The following SLC9A9 variants were observed in gnomAD, a reference collection of about 807,000 sequenced individuals.
The protein encoded by SLC9A9 is sodium/hydrogen exchanger 9.
Under a neutral mutation model 77.8 loss-of-function variants are expected in SLC9A9, and 62 were observed. The observed-to-expected ratio is 0.80, with a 90% CI of 0.65 to 0.98. The LOEUF (loss-of-function observed/expected upper bound fraction) is 0.98, where lower values mean the gene tolerates loss of function less well. SLC9A9 is among the 50% of genes least tolerant of loss of function. The pLI is 0.00. For synonymous variants in SLC9A9, 320 were observed against 283.5 expected (o/e 1.13, Z -1.29); for missense variants, 775 against 774.9 (o/e 1.00, Z 0.00).
intron 2 of SLC9A9, among the ~76,000 whole-genome samples, chr3:143,829,952 G>T (rs1321203259): frequency 6.6e-6 from 1 of 152,146 alleles, no homozygotes; most frequent in African/African-American, 2.4e-5. Flanking sequence ...GGAAGCTTAA[G>T]AAACTCAAAG....
intron 4 of SLC9A9, among the ~76,000 whole-genome samples, chr3:143,715,059 G>A (rs1934300143): frequency 6.6e-6 from 1 of 152,132 alleles, no homozygotes; most frequent in Non-Finnish European, 1.5e-5. Flanking sequence ...GTTCCTCCTT[G>A]CCTTCCACCA....
chr3:143,450,051 A>T (rs62637148), intron 12 of SLC9A9, among the ~76,000 whole-genome samples: 1 of 105,686 alleles, frequency 9.5e-6, no homozygotes, highest in African/African-American at 4.0e-5. Flanking sequence ...GTATATATAC[A>T]CACATATATA....
At chr3:143,735,005 G>T (rs983609054) in intron 4 of SLC9A9, among the ~76,000 whole-genome samples, 2 of 152,206 alleles carry the variant, frequency 1.3e-5, no homozygotes, top group African/African-American at 4.8e-5. Context: ...CCACAGCCCA[G>T]TTGAATCCAT....
rs1325036982 is a variant in SLC9A9, at chr3:143,448,917, T to A, written c.1469+18120A>T. Among the ~76,000 whole-genome samples the A allele has an allele frequency of 6.5e-5, 2 of 30,776 alleles. 1 individual carries two copies. Among genetic ancestry groups the A allele is most frequent in the African/African-American group, 8.6e-4 (2 of 2,332 alleles). The allele number at this position is 30,776 out of a possible 152,430, so 20.2% of individuals were successfully genotyped here. On this transcript the variant is annotated intron_variant, in intron 12 of 15. Coordinates refer to ENST00000316549, the MANE Select transcript of SLC9A9 (RefSeq NM_173653.4). ...TTATAATATATAATATGATATATAT[T>A]ATATATTATAATATATAATATGATA...
At chr3:143,806,515 G>GA (rs893040399) in intron 2 of SLC9A9, among the ~76,000 whole-genome samples, 5 of 150,328 alleles carry the variant, frequency 3.3e-5, no homozygotes, top group East Asian at 1.9e-4. Context: ...TGCTCAACTG[G>GA]AAAAAAAAAC....
intron 9 of SLC9A9, chr3:143,503,887 G>A (rs898850911): frequency 1.1e-5 from 4 of 367,378 alleles, no homozygotes; most frequent in Non-Finnish European, 2.1e-5. Flanking sequence ...TCATGAACAT[G>A]GGGGCATCAG....
chr3:143,404,371 C>T (rs1303271562), intron 12 of SLC9A9, among the ~76,000 whole-genome samples: 1 of 151,904 alleles, frequency 6.6e-6, no homozygotes, highest in East Asian at 1.9e-4. Context: ...AGGTTCTCAC[C>T]ATGTTGGCTA....
intron 8 of SLC9A9, among the ~76,000 whole-genome samples, chr3:143,560,601 A>G (rs968658404): frequency 6.6e-6 from 1 of 152,124 alleles, no homozygotes; most frequent in Non-Finnish European, 1.5e-5. Flanking sequence ...GAGAGGTTTT[A>G]AATTTTTTTT....
At position 143,434,199 on chromosome 3, in the gene SLC9A9, T is replaced by C. The variant is rs982475615; in HGVS notation, c.1469+32838A>G. Among the ~76,000 whole-genome samples the C allele has an allele frequency of 2.0e-5, 3 of 152,316 alleles. No homozygotes were observed. In the East Asian group the frequency reaches 5.8e-4, roughly 29 times the overall value. On this transcript the variant is annotated intron_variant, in intron 12 of 15. Transcript: ENST00000316549. ...GTGGCTCGTGAACTAAAGTGTGCAA[T>C]GGTATGCAGACATGTGAATACAGTT... is the stretch of plus-strand genomic sequence containing the variant.
chr3:143,704,766 G>A (rs1002689798), intron 4 of SLC9A9, among the ~76,000 whole-genome samples: 2 of 152,062 alleles, frequency 1.3e-5, no homozygotes, highest in African/African-American at 4.8e-5. Flanking sequence ...GCCAAGGTGG[G>A]CAGATCACCT....
intron 11 of SLC9A9, among the ~76,000 whole-genome samples, chr3:143,480,802 A>C (rs2035561418): frequency 2.0e-5 from 3 of 152,238 alleles, no homozygotes; most frequent in Non-Finnish European, 4.4e-5. Flanking sequence ...AAGGAGATGT[A>C]GCATGGGAAG....
chr3:143,827,184 TTATGTTTGCAAAGC>T (rs1210161913), intron 2 of SLC9A9, among the ~76,000 whole-genome samples: 1 of 152,236 alleles, frequency 6.6e-6, no homozygotes, highest in Non-Finnish European at 1.5e-5. Flanking sequence ...CATAACAAAC[TTATGTTTGCAAAGC>T]TATCATGTAA....
At chr3:143,754,691 G>A (rs1186874651) in intron 4 of SLC9A9, among the ~76,000 whole-genome samples, 2 of 152,168 alleles carry the variant, frequency 1.3e-5, no homozygotes, top group Non-Finnish European at 2.9e-5. Flanking sequence ...AAGCAGAGGG[G>A]TGGAAACTGA....
intron 14 of SLC9A9, among the ~76,000 whole-genome samples, chr3:143,351,149 T>C (rs995795399): frequency 6.6e-6 from 1 of 152,212 alleles, no homozygotes; most frequent in Non-Finnish European, 1.5e-5. Context: ...CCAGGGTACA[T>C]GCACACACCC....
chr3:143,828,360 A>T (rs2009351030), intron 2 of SLC9A9, among the ~76,000 whole-genome samples: 1 of 152,168 alleles, frequency 6.6e-6, no homozygotes, highest in Admixed American at 6.6e-5. Flanking sequence ...AGCAGCTATT[A>T]GGCATGGGGC....
intron 13 of SLC9A9, among the ~76,000 whole-genome samples, chr3:143,371,399 T>C (rs141806923): frequency 0.019 from 2,822 of 152,242 alleles, 34 homozygotes; most frequent in South Asian, 0.072. Flanking sequence ...GCTTACAAGA[T>C]TTTAATGGCT....
intron 6 of SLC9A9, among the ~76,000 whole-genome samples, chr3:143,645,632 G>T (rs2038693576): frequency 6.6e-6 from 1 of 152,130 alleles, no homozygotes; most frequent in Non-Finnish European, 1.5e-5. Flanking sequence ...AGATACATGG[G>T]CGGTAAGAAA....
chr3:143,762,888 A>C (rs183663103), intron 4 of SLC9A9, among the ~76,000 whole-genome samples: 1 of 152,170 alleles, frequency 6.6e-6, no homozygotes, highest in Non-Finnish European at 1.5e-5. Context: ...TTAGAAGTTA[A>C]GCTTTTCATG....
chr3:143,743,643 T>A (rs1207402179), intron 4 of SLC9A9, among the ~76,000 whole-genome samples: 1 of 152,044 alleles, frequency 6.6e-6, no homozygotes, highest in African/African-American at 2.4e-5. Context: ...ACAGTGAGAG[T>A]GGCAGTCTTC....
Sources: gnomAD v4.1 joint callset for allele counts (sites outside exome capture counted in the v4.1 genomes callset) on GRCh38, gnomAD v4.1.1 for gene constraint, MANE v1.5 for transcripts, NCBI Gene and HGNC (gene_info 2026-07-23, HGNC 2026-07-21) for gene names.